MALRD1: variants seen among roughly 807,000 people sequenced by gnomAD.
MALRD1 encodes the protein MAM and LDL receptor class A domain containing 1, also known as MAM and LDL-receptor class A domain-containing protein 1.
A neutral mutation model predicts 242.1 loss-of-function variants in MALRD1; 247 were observed. The observed-to-expected ratio is 1.02, with a 90% CI of 0.92 to 1.13. The LOEUF (loss-of-function observed/expected upper bound fraction) is 1.13. Among genes scored for constraint, MALRD1 ranks in the 50% most tolerant of loss-of-function variants. The pLI is 0.00. For missense variants in MALRD1, 2,989 were observed against 2,533.1 expected (o/e 1.18, Z -3.86); for synonymous variants, 995 against 866.6 (o/e 1.15, Z -2.60).
intron 26 of MALRD1, among the ~76,000 whole-genome samples, chr10:19,354,981 G>A (rs1002127900): frequency 1.3e-5 from 2 of 152,272 alleles, no homozygotes; most frequent in African/African-American, 4.8e-5. Flanking sequence ...TTCAGCTGAG[G>A]ATATCTAATT....
chr10:19,236,600 G>T (rs1838326718), intron 18 of MALRD1, among the ~76,000 whole-genome samples: 1 of 151,954 alleles, frequency 6.6e-6, no homozygotes, highest in African/African-American at 2.4e-5. Context: ...TAGATAAAAT[G>T]CCAACTTTCT....
At chr10:19,331,690 G>T (rs1398902937) in intron 24 of MALRD1, 108 bp downstream of exon 24, 1 of 835,434 alleles carries the variant, frequency 1.2e-6, no homozygotes, top group African/African-American at 1.7e-5. Flanking sequence ...CTCAACACCA[G>T]GGGAAGGTAA....
chr10:19,264,991 G>T (rs1564513772), intron 19 of MALRD1, among the ~76,000 whole-genome samples: 1 of 152,022 alleles, frequency 6.6e-6, no homozygotes. Context: ...TTGTATGTTT[G>T]TAGGAATTTA....
chr10:19,201,928 G>A (rs1388823758), intron 14 of MALRD1, among the ~76,000 whole-genome samples: 2 of 151,954 alleles, frequency 1.3e-5, no homozygotes, highest in Admixed American at 1.3e-4. Flanking sequence ...CGATTCTCCT[G>A]CCTCAGCCTC....
intron 36 of MALRD1, among the ~76,000 whole-genome samples, chr10:19,626,541 A>G (rs571531231): frequency 2.0e-4 from 31 of 152,054 alleles, no homozygotes; most frequent in Admixed American, 1.2e-3. Context: ...AAAAGACTAG[A>G]TGAATTTCCT....
chr10:19,332,620 ATAT>A (rs1213867855), intron 24 of MALRD1, among the ~76,000 whole-genome samples: 1 of 152,188 alleles, frequency 6.6e-6, no homozygotes, highest in Admixed American at 6.6e-5. Context: ...TTGCAGTTTG[ATAT>A]TATTTGCTTC....
At chr10:19,123,107 G>T (rs938971699) in intron 5 of MALRD1, among the ~76,000 whole-genome samples, 1 of 152,138 alleles carries the variant, frequency 6.6e-6, no homozygotes, top group African/African-American at 2.4e-5. Context: ...TTTAAGGGGC[G>T]CCATATCTTG....
At chr10:19,422,544 G>A (rs556320203) in intron 28 of MALRD1, among the ~76,000 whole-genome samples, 11 of 152,234 alleles carry the variant, frequency 7.2e-5, no homozygotes, top group South Asian at 2.1e-4. Flanking sequence ...AGTAGTAATC[G>A]CTTTCTGGCC....
rs946229677 is a variant in MALRD1 at position 19,634,768 on chromosome 10, C to T, written c.6137+18845C>T. On this transcript the variant is annotated intron_variant, in intron 36 of 39. Coordinates refer to ENST00000454679, the MANE Select transcript of MALRD1 (RefSeq NM_001142308.3). ...AATCATAGGCTGTAAGAAGTCAGAA[C>T]GCTATAAAAACTTAGCAAGAAGAGT... Among the ~76,000 whole-genome samples the T allele has an allele frequency of 3.4e-4, 52 of 152,134 alleles. 1 individual carries two copies. The highest frequency in any genetic ancestry group is 2.1e-4 in the South Asian group (1 of 4,820).
At chr10:19,472,047 CATA>C (rs1355395689) in intron 29 of MALRD1, among the ~76,000 whole-genome samples, 1 of 151,872 alleles carries the variant, frequency 6.6e-6, no homozygotes, top group Non-Finnish European at 1.5e-5. Flanking sequence ...TGAGCTTTCA[CATA>C]TGGCTTTTAT....
intron 31 of MALRD1, among the ~76,000 whole-genome samples, chr10:19,522,561 A>G (rs1589192554): frequency 6.6e-6 from 1 of 152,146 alleles, no homozygotes; most frequent in Non-Finnish European, 1.5e-5. Flanking sequence ...GTAGTACCCC[A>G]TTAGGACACA....
intron 36 of MALRD1, among the ~76,000 whole-genome samples, chr10:19,664,608 A>G (rs567797118): frequency 2.0e-5 from 3 of 152,142 alleles, no homozygotes; most frequent in Non-Finnish European, 4.4e-5. Context: ...ATGGAGCCCC[A>G]CGTCTAAGGA....
At chr10:19,113,115 T>A (rs1318985785) in intron 5 of MALRD1, among the ~76,000 whole-genome samples, 1 of 152,174 alleles carries the variant, frequency 6.6e-6, no homozygotes, top group East Asian at 1.9e-4. Flanking sequence ...TTTCTTCCAA[T>A]TTTAATGTAT....
At chr10:19,537,967 A>G (rs994366498) in intron 32 of MALRD1, among the ~76,000 whole-genome samples, 1 of 152,202 alleles carries the variant, frequency 6.6e-6, no homozygotes, top group Non-Finnish European at 1.5e-5. Context: ...ATAAAGATAA[A>G]CTGAAAACCA....
intron 4 of MALRD1, among the ~76,000 whole-genome samples, chr10:19,096,549 A>G (rs1836041892): frequency 6.6e-6 from 1 of 152,168 alleles, no homozygotes; most frequent in Admixed American, 6.5e-5. Context: ...CCTGTCAGCA[A>G]GTGAGCAGAT....
intron 22 of MALRD1, among the ~76,000 whole-genome samples, chr10:19,327,198 C>T (rs749759442): frequency 7.9e-5 from 12 of 152,040 alleles, no homozygotes; most frequent in Non-Finnish European, 1.3e-4. Context: ...TTTTAGTAAG[C>T]AATTCCATAC....
At position 19,068,311 on chromosome 10, in the gene MALRD1, C is replaced by T. The variant is rs143873451; in HGVS notation, c.340+1452C>T. Among the ~76,000 whole-genome samples, 15 of 151,946 alleles carry T rather than the reference C, an allele frequency of 9.9e-5. No individual in the cohort carries two copies. The East Asian group carries it at 2.5e-3, about 25-fold the overall frequency. Reference sequence around the variant, plus strand: ...CTCTTTCCTTTCTGCCATTTTCCCTCGTTTTTTTTATGCATATTTTTAATT... The same window carrying T: ...CTCTTTCCTTTCTGCCATTTTCCCTTGTTTTTTTTATGCATATTTTTAATT... On this transcript the variant is annotated intron_variant, in intron 2 of 39. Coordinates refer to ENST00000454679, the MANE Select transcript of MALRD1 (RefSeq NM_001142308.3).
At chr10:19,575,218 A>G (rs901004106) in intron 33 of MALRD1, among the ~76,000 whole-genome samples, 3 of 152,210 alleles carry the variant, frequency 2.0e-5, no homozygotes, top group African/African-American at 4.8e-5. Context: ...CCACATATAC[A>G]GAGGACCAAC....
At chr10:19,268,124 C>T (rs919973792) in intron 19 of MALRD1, among the ~76,000 whole-genome samples, 6 of 152,026 alleles carry the variant, frequency 3.9e-5, no homozygotes, top group Non-Finnish European at 7.4e-5. Context: ...TTTCCATCTG[C>T]TACTTCAGTC....
Sources: gnomAD v4.1 joint callset for allele counts (sites outside exome capture counted in the v4.1 genomes callset) on GRCh38, gnomAD v4.1.1 for gene constraint, MANE v1.5 for transcripts, NCBI Gene and HGNC (gene_info 2026-07-23, HGNC 2026-07-21) for gene names.